The following IGFBP7 variants were observed in gnomAD, a reference collection of about 807,000 sequenced individuals.
The protein encoded by IGFBP7 is insulin-like growth factor-binding protein 7.
IGFBP7 carries 31 observed loss-of-function variants against 29.4 expected under a neutral mutation model. The ratio of observed to expected loss-of-function variants is 1.05; its 90% CI spans 0.79 to 1.42. The LOEUF is 1.42. Ranked by LOEUF, IGFBP7 falls within the 40% of genes most tolerant of loss-of-function variation. IGFBP7 has a pLI of 0.00. For missense variants in IGFBP7, 393 were observed against 395.5 expected, an observed-to-expected ratio of 0.99 and a Z score of 0.05; for synonymous variants, 172 against 174.9, an observed-to-expected ratio of 0.98 and a Z score of 0.13.
intron 1 of IGFBP7, among the ~76,000 whole-genome samples, chr4:57,104,393 T>G (rs1006286487): frequency 5.3e-5 from 8 of 152,154 alleles, no homozygotes; most frequent in Admixed American, 5.2e-4. Context: ...TCTCTGACAG[T>G]CCTCATGGTA....
intron 1 of IGFBP7, among the ~76,000 whole-genome samples, chr4:57,051,903 G>A (rs1724512460): frequency 6.6e-6 from 1 of 152,200 alleles, no homozygotes; most frequent in South Asian, 2.1e-4. Flanking sequence ...CATCAAGGAA[G>A]GTGAAAGACA....
At chr4:57,105,972 T>TC (rs1726021903) in intron 1 of IGFBP7, among the ~76,000 whole-genome samples, 2 of 151,030 alleles carry the variant, frequency 1.3e-5, no homozygotes, top group Admixed American at 1.3e-4. Flanking sequence ...AGTGGTGCTA[T>TC]CTTGGATCAC....
intron 1 of IGFBP7, among the ~76,000 whole-genome samples, chr4:57,057,310 G>A (rs993505413): frequency 2.6e-5 from 4 of 152,194 alleles, no homozygotes; most frequent in Admixed American, 6.5e-5. Flanking sequence ...GCACCCATCC[G>A]TAGATTGGGT....
At chr4:57,083,192 G>T (rs1023003515) in intron 1 of IGFBP7, among the ~76,000 whole-genome samples, 1 of 152,046 alleles carries the variant, frequency 6.6e-6, no homozygotes, top group South Asian at 2.1e-4. Context: ...TGGGTCAAAG[G>T]GTATGAGAAT....
rs764599104 is a variant in IGFBP7 at position 57,033,233 on chromosome 4, C to CCCAGAAAA, written c.663_664insTTTTCTGG (p.Gly222PhefsTer11). 5.0e-6 allele frequency: 8 copies of CCCAGAAAA among 1,614,026 alleles called. No individual in the cohort carries two copies. The highest frequency in any genetic ancestry group is 6.8e-6 in the Non-Finnish European group (8 of 1,179,904). On this transcript the variant is annotated frameshift_variant, in exon 3 of 5. Transcript: ENST00000295666. LOFTEE classifies it high-confidence loss of function. ...GTTACTTCATGCTTTTCTGGGCCAC[C>CCCAGAAAA]CCGGGTCTGAATGGCCAGGTTGTCC...
intron 1 of IGFBP7, among the ~76,000 whole-genome samples, chr4:57,056,507 C>T (rs1184131376): frequency 6.6e-6 from 1 of 152,170 alleles, no homozygotes; most frequent in African/African-American, 2.4e-5. Flanking sequence ...GGGCCAGGAA[C>T]AGCCAGACTG....
chr4:57,074,995 G>A (rs1578635317), intron 1 of IGFBP7, among the ~76,000 whole-genome samples: 1 of 152,204 alleles, frequency 6.6e-6, no homozygotes. Context: ...CTGATCACAC[G>A]TCAAAGCCTC....
chr4:57,041,707 A>G (rs752395274), intron 1 of IGFBP7, among the ~76,000 whole-genome samples: 5 of 151,586 alleles, frequency 3.3e-5, no homozygotes, highest in Non-Finnish European at 7.4e-5. Flanking sequence ...GTTAATTTTT[A>G]TTTTTTATTT....
At chr4:57,061,100 C>A (rs898109854) in intron 1 of IGFBP7, among the ~76,000 whole-genome samples, 1 of 151,668 alleles carries the variant, frequency 6.6e-6, no homozygotes, top group African/African-American at 2.4e-5. Flanking sequence ...GAACTAAATT[C>A]ATGAAAGAGG....
At chr4:57,039,313 A>G (rs1447527408) in intron 2 of IGFBP7, among the ~76,000 whole-genome samples, 4 of 152,120 alleles carry the variant, frequency 2.6e-5, no homozygotes, top group Admixed American at 2.0e-4. Flanking sequence ...ACTTTATTTC[A>G]TCTTTATGAT....
At chr4:57,052,575 TGCTGACCAC>T (rs1724530742) in intron 1 of IGFBP7, among the ~76,000 whole-genome samples, 1 of 152,166 alleles carries the variant, frequency 6.6e-6, no homozygotes, top group Admixed American at 6.5e-5. Flanking sequence ...ATCAGCTCAC[TGCTGACCAC>T]CTGGCCCGTC....
chr4:57,085,077 C>T (rs536682402), intron 1 of IGFBP7, among the ~76,000 whole-genome samples: 1 of 152,244 alleles, frequency 6.6e-6, no homozygotes, highest in South Asian at 2.1e-4. Context: ...ATGTGAGCCA[C>T]TGCACCTGGC....
At chr4:57,049,978 A>G (rs1434780876) in intron 1 of IGFBP7, among the ~76,000 whole-genome samples, 1 of 152,142 alleles carries the variant, frequency 6.6e-6, no homozygotes, top group African/African-American at 2.4e-5. Flanking sequence ...CAGCTGGCAG[A>G]TTATTAATCA....
At chr4:57,089,894 T>C (rs1363113500) in intron 1 of IGFBP7, among the ~76,000 whole-genome samples, 2 of 152,216 alleles carry the variant, frequency 1.3e-5, no homozygotes, top group Admixed American at 6.5e-5. Flanking sequence ...ATGATGACGA[T>C]GATCTGAGGT....
At chr4:57,071,427 T>C (rs944416093) in intron 1 of IGFBP7, among the ~76,000 whole-genome samples, 1 of 152,236 alleles carries the variant, frequency 6.6e-6, no homozygotes, top group African/African-American at 2.4e-5. Flanking sequence ...TTATCTGTGC[T>C]GACAACTAAG....
chr4:57,052,319 G>A (rs1458047873), intron 1 of IGFBP7, among the ~76,000 whole-genome samples: 2 of 152,162 alleles, frequency 1.3e-5, no homozygotes, highest in Non-Finnish European at 2.9e-5. Flanking sequence ...ACAGAAGCAG[G>A]GGTGTCAGTC....
intron 1 of IGFBP7, among the ~76,000 whole-genome samples, chr4:57,079,810 T>C (rs1725319638): frequency 6.6e-6 from 1 of 152,242 alleles, no homozygotes; most frequent in African/African-American, 2.4e-5. Flanking sequence ...AAGTTACTAC[T>C]GTCCTTACCA....
chr4:57,086,954 G>A (rs986496065), intron 1 of IGFBP7, among the ~76,000 whole-genome samples: 5 of 152,090 alleles, frequency 3.3e-5, no homozygotes, highest in African/African-American at 1.2e-4. Flanking sequence ...AGCTGGTCTC[G>A]AACTCCTGAC....
At position 57,056,600 on chromosome 4, in the gene IGFBP7, G is replaced by A. The variant is rs148107744; in HGVS notation, c.476-15667C>T. On this transcript the variant is annotated intron_variant, in intron 1 of 4. Transcript: ENST00000295666. ...TGTCTCTCTGATCACAGGAGAGGAG[G>A]ACCTGCCTGGTGAGAACTGGAAGGC... Among the ~76,000 whole-genome samples the A allele has an allele frequency of 3.1e-3, 475 of 152,302 alleles. 3 individuals carry two copies. Among genetic ancestry groups the A allele is most frequent in the African/African-American group, 0.011 (445 of 41,564 alleles).
Sources: allele counts gnomAD v4.1 joint callset (sites outside exome capture counted in the v4.1 genomes callset), GRCh38; gene constraint gnomAD v4.1.1; transcripts MANE v1.5; gene names NCBI Gene and HGNC (gene_info 2026-07-23, HGNC 2026-07-21).